Variants in PRKCZ observed in about 807,000 individuals in gnomAD.
PRKCZ encodes protein kinase C zeta type.
PRKCZ carries 33 observed loss-of-function variants against 79.5 expected under a neutral mutation model. The observed-to-expected ratio is 0.41, with a 90% CI of 0.31 to 0.55. PRKCZ has a LOEUF of 0.55. Among genes scored for constraint, PRKCZ ranks in the 20% least tolerant of loss-of-function variants. The pLI is 0.19. For missense variants in PRKCZ, 578 were observed against 813.5 expected (o/e 0.71, Z 3.52); for synonymous variants, 342 against 320.9 (o/e 1.07, Z -0.70).
intron 5 of PRKCZ, among the ~76,000 whole-genome samples, chr1:2,137,135 C>A (rs1676369442): frequency 1.3e-5 from 2 of 152,166 alleles, no homozygotes; most frequent in African/African-American, 4.8e-5. Context: ...CCCGGCAAAC[C>A]ACTAATAAGT....
chr1:2,176,321 C>A (rs1051590533), intron 16 of PRKCZ, among the ~76,000 whole-genome samples: 6 of 152,040 alleles, frequency 3.9e-5, no homozygotes, highest in Admixed American at 2.0e-4. Context: ...CAGGTTAAGG[C>A]AGGTAAGGCT....
chr1:2,051,724 C>T (rs565710490), intron 1 of PRKCZ, among the ~76,000 whole-genome samples: 3 of 152,250 alleles, frequency 2.0e-5, no homozygotes, highest in East Asian at 3.9e-4. Flanking sequence ...GACAGTGCCC[C>T]GGGGGTCTCT....
At chr1:2,057,534 C>T (rs574595639) in intron 3 of PRKCZ, among the ~76,000 whole-genome samples, 1 of 152,334 alleles carries the variant, frequency 6.6e-6, no homozygotes, top group Non-Finnish European at 1.5e-5. Context: ...GGTTACAACA[C>T]TTAATTTTCT....
intron 16 of PRKCZ, among the ~76,000 whole-genome samples, chr1:2,180,623 A>G (rs570535194): frequency 2.6e-4 from 39 of 152,214 alleles, no homozygotes; most frequent in African/African-American, 9.1e-4. Context: ...TCAGATCCCC[A>G]GACGACTCAG....
chr1:2,108,005 G>C (rs1259371469), intron 4 of PRKCZ, among the ~76,000 whole-genome samples: 1 of 152,200 alleles, frequency 6.6e-6, no homozygotes, highest in Admixed American at 6.5e-5. Context: ...AACCCCGGCA[G>C]TGTCAAGGGA....
Position 2,087,379 on chromosome 1 carries a change from G to A in PRKCZ, c.334+27788G>A, listed in dbSNP as rs114068246. Among the ~76,000 whole-genome samples the A allele has an allele frequency of 9.3e-3, 1,410 of 152,168 alleles. 14 individuals are homozygous for A. The highest frequency in any genetic ancestry group is 0.032 in the African/African-American group (1,340 of 41,500). On this transcript the variant is annotated intron_variant, in intron 4 of 17. Transcript: ENST00000378567. ...ATTATAGGTGTGAGCTGTTGCGCCC[G>A]GCCCCCATTCTTGTTTATTTTACTT... is the stretch of plus-strand genomic sequence containing the variant.
rs1028594419 is a variant in PRKCZ at position 2,094,750 on chromosome 1, G to A, written c.334+35159G>A. Among the ~76,000 whole-genome samples, 7 of 152,086 alleles carry A rather than the reference G, an allele frequency of 4.6e-5. No homozygotes were observed. Among genetic ancestry groups the A allele is most frequent in the Non-Finnish European group, 8.8e-5 (6 of 68,022 alleles). ...CCGTTCTGAGGCGCCCGCTGTGCCC[G>A]GCTCGTTGAACCTTGGGCGCTGCCC... On this transcript the variant is annotated intron_variant, in intron 4 of 17. Transcript: ENST00000378567. The surrounding 1 kb of genome is among the most constrained non-coding windows in gnomAD (Gnocchi z 7.3).
At chr1:2,069,334 G>A (rs1417676209) in intron 4 of PRKCZ, among the ~76,000 whole-genome samples, 1 of 152,174 alleles carries the variant, frequency 6.6e-6, no homozygotes, top group Non-Finnish European at 1.5e-5. Flanking sequence ...CCCGTGAGTG[G>A]AGGCTGCTGT....
chr1:2,157,841 C>T (rs1006536583), intron 10 of PRKCZ, among the ~76,000 whole-genome samples: 2 of 152,000 alleles, frequency 1.3e-5, no homozygotes, highest in Non-Finnish European at 2.9e-5. Flanking sequence ...CTCTGCCTGG[C>T]GGTCATGCAG....
At chr1:2,087,481 C>G (rs1664725560) in intron 4 of PRKCZ, among the ~76,000 whole-genome samples, 1 of 152,172 alleles carries the variant, frequency 6.6e-6, no homozygotes, top group African/African-American at 2.4e-5. Flanking sequence ...AGAGCTGCAC[C>G]AGCACCTGTG....
At chr1:2,161,414 C>T (rs947933811) in intron 10 of PRKCZ, among the ~76,000 whole-genome samples, 5 of 152,202 alleles carry the variant, frequency 3.3e-5, no homozygotes, top group Admixed American at 6.5e-5. Context: ...CTGCACTCTT[C>T]GGGAACACTG....
chr1:2,055,439 A>C lies in PRKCZ; in HGVS notation c.72-2A>C, dbSNP rs761650902. 2.5e-6 allele frequency: 4 copies of C among 1,610,836 alleles called. No homozygotes were observed. The highest frequency in any genetic ancestry group is 3.4e-6 in the Non-Finnish European group (4 of 1,178,002). ...CAGATGCCCATGTCCCCTCTGCCCC[A>C]GGGACATCTTCATCACCAGCGTGGA... On this transcript the variant is annotated splice_acceptor_variant, in intron 1 of 17. Transcript: ENST00000378567. LOFTEE classifies it high-confidence loss of function.
intron 4 of PRKCZ, among the ~76,000 whole-genome samples, chr1:2,072,659 G>A (rs6663158): frequency 0.23 from 34,846 of 151,962 alleles, 5,022 homozygotes; most frequent in East Asian, 0.74. Context: ...GGGTTGGTGG[G>A]TTTGCATTTG....
chr1:2,171,269 T>C (rs1440322481), intron 11 of PRKCZ, among the ~76,000 whole-genome samples: 1 of 134,718 alleles, frequency 7.4e-6, no homozygotes, highest in East Asian at 2.4e-4. Flanking sequence ...CGTGAACCTG[T>C]GGGCAGAGCT....
chr1:2,139,105 C>T (rs1676804490), intron 5 of PRKCZ, among the ~76,000 whole-genome samples: 1 of 152,160 alleles, frequency 6.6e-6, no homozygotes. Flanking sequence ...GAGATCCAGA[C>T]ATCTCACACT....
chr1:2,112,783 G>A (rs1441568894), intron 4 of PRKCZ, among the ~76,000 whole-genome samples: 1 of 151,772 alleles, frequency 6.6e-6, no homozygotes, highest in Non-Finnish European at 1.5e-5. Flanking sequence ...TCCACCTCCT[G>A]GGTTCAAGGG....
Position 2,121,730 on chromosome 1 carries a change from A to G in PRKCZ, c.335-13532A>G, listed in dbSNP as rs865949804. On this transcript the variant is annotated intron_variant, in intron 4 of 17. Coordinates refer to ENST00000378567, the MANE Select transcript of PRKCZ (RefSeq NM_002744.6). The stretch of plus-strand genomic sequence containing the variant: ...CGGTGGTAGTTAGGGTCACGGCGGT[A>G]CTTAGGGTCACGGCGGTGGTTAGGG... Among the ~76,000 whole-genome samples the G allele has an allele frequency of 3.2e-3, 68 of 20,964 alleles. 14 individuals carry two copies. The highest frequency in any genetic ancestry group is 0.021 in the East Asian group (11 of 520). The allele number at this position is 20,964 out of a possible 152,430, so 13.8% of individuals were successfully genotyped here.
At chr1:2,073,601 T>C (rs575404026) in intron 4 of PRKCZ, 30 of 987,618 alleles carry the variant, frequency 3.0e-5, no homozygotes, top group Non-Finnish European at 3.5e-5. Flanking sequence ...GCAGAGATGC[T>C]TGTTTTCCTG....
intron 4 of PRKCZ, among the ~76,000 whole-genome samples, chr1:2,085,298 G>A (rs1407063319): frequency 6.6e-6 from 1 of 152,246 alleles, no homozygotes; most frequent in Non-Finnish European, 1.5e-5. Flanking sequence ...GCACACAGAA[G>A]GTCCCGGAGC....
Sources: gnomAD v4.1 joint callset for allele counts (sites outside exome capture counted in the v4.1 genomes callset) on GRCh38, gnomAD v4.1.1 for gene constraint, Gnocchi (gnomAD v3.1) non-coding constraint, MANE v1.5 for transcripts, NCBI Gene and HGNC (gene_info 2026-07-23, HGNC 2026-07-21) for gene names.